The following DGCR2 variants were observed in gnomAD, a reference collection of about 807,000 sequenced individuals.
DGCR2 encodes the protein integral membrane protein DGCR2/IDD.
Under a neutral mutation model 51.6 loss-of-function variants are expected in DGCR2, and 24 were observed. The observed-to-expected ratio is 0.47, with a 90% CI of 0.34 to 0.65. The LOEUF (loss-of-function observed/expected upper bound fraction) is 0.65. Among genes scored for constraint, DGCR2 ranks in the 30% least tolerant of loss-of-function variants. DGCR2 has a pLI of 0.01. For missense variants in DGCR2, 765 were observed against 772.1 expected (o/e 0.99, Z 0.11); for synonymous variants, 340 against 315.4 (o/e 1.08, Z -0.82).
chr22:19,113,718 C>T (rs1230351037), intron 1 of DGCR2, among the ~76,000 whole-genome samples: 1 of 152,124 alleles, frequency 6.6e-6, no homozygotes, highest in Non-Finnish European at 1.5e-5. Flanking sequence ...AGTCAACCTA[C>T]TGTTATGTAG....
At position 19,064,835 on chromosome 22, in the gene DGCR2, A is replaced by T; in HGVS notation, c.548+13T>A. 4 of 1,611,970 alleles carry T rather than the reference A, an allele frequency of 2.5e-6. No homozygotes were observed. Among genetic ancestry groups the T allele is most frequent in the Non-Finnish European group, 3.4e-6 (4 of 1,179,068 alleles). ...CTGACTCCAGCCCCTCAGGTCCCCA[A>T]TCCAGGACTCACTTGCGCTGGTCCT... On this transcript the variant is annotated intron_variant, in intron 4 of 9. Coordinates refer to ENST00000263196, the MANE Select transcript of DGCR2 (RefSeq NM_005137.3).
chr22:19,052,480 C>G (rs1164370182), intron 6 of DGCR2, among the ~76,000 whole-genome samples: 1 of 151,824 alleles, frequency 6.6e-6, no homozygotes, highest in Non-Finnish European at 1.5e-5. Context: ...TGCACAAAAA[C>G]CTGTATGCGG....
intron 1 of DGCR2, among the ~76,000 whole-genome samples, chr22:19,100,777 A>C (rs889316830): frequency 6.6e-6 from 1 of 152,174 alleles, no homozygotes; most frequent in Non-Finnish European, 1.5e-5. Flanking sequence ...TATGTGGGTT[A>C]TATCTGTCAA....
At chr22:19,103,347 T>C (rs1412537582) in intron 1 of DGCR2, among the ~76,000 whole-genome samples, 1 of 151,468 alleles carries the variant, frequency 6.6e-6, no homozygotes, top group Admixed American at 6.6e-5. Flanking sequence ...CTGAATGTTC[T>C]TAATGCCACT....
intron 1 of DGCR2, among the ~76,000 whole-genome samples, chr22:19,101,943 T>C (rs1482280610): frequency 6.6e-6 from 1 of 151,638 alleles, no homozygotes; most frequent in Non-Finnish European, 1.5e-5. Flanking sequence ...TAATCCCAGC[T>C]ACTTGGGAGG....
chr22:19,121,062 G>A (rs1444083135), intron 1 of DGCR2, among the ~76,000 whole-genome samples: 1 of 152,224 alleles, frequency 6.6e-6, no homozygotes, highest in African/African-American at 2.4e-5. Context: ...GAGCCAAGAG[G>A]TGCGGTGTAT....
chr22:19,059,703 G>A (rs62221715), intron 5 of DGCR2, among the ~76,000 whole-genome samples: 1 of 152,124 alleles, frequency 6.6e-6, no homozygotes, highest in South Asian at 2.1e-4. Context: ...TGAGGTGTGC[G>A]CAGGACTCTG....
At chr22:19,117,699 G>A (rs2083387919) in intron 1 of DGCR2, among the ~76,000 whole-genome samples, 1 of 152,178 alleles carries the variant, frequency 6.6e-6, no homozygotes, top group African/African-American at 2.4e-5. Flanking sequence ...AGGATATGCA[G>A]GTGTTCTCTG....
chr22:19,074,974 C>A (rs1424155881), intron 2 of DGCR2, among the ~76,000 whole-genome samples: 1 of 152,118 alleles, frequency 6.6e-6, no homozygotes, highest in Non-Finnish European at 1.5e-5. Flanking sequence ...AATTATTGTG[C>A]CAGTCCCTTC....
chr22:19,087,145 TGACCAACCAGG>T (rs1160456351), intron 2 of DGCR2, among the ~76,000 whole-genome samples: 26 of 152,160 alleles, frequency 1.7e-4, no homozygotes, highest in African/African-American at 5.8e-4. Context: ...GTCCCCAGGC[TGACCAACCAGG>T]GAACTTCAGC....
intron 4 of DGCR2, among the ~76,000 whole-genome samples, chr22:19,064,154 C>T (rs953744406): frequency 2.6e-5 from 4 of 152,220 alleles, no homozygotes; most frequent in Non-Finnish European, 4.4e-5. Flanking sequence ...CAGCAGGTCT[C>T]CCCGCATGGC....
At chr22:19,066,853 C>A (rs1423933706) in intron 3 of DGCR2, among the ~76,000 whole-genome samples, 2 of 152,238 alleles carry the variant, frequency 1.3e-5, no homozygotes, top group Non-Finnish European at 2.9e-5. Flanking sequence ...GAACATGGAG[C>A]TGAGCATCAG....
chr22:19,115,746 G>T (rs190144063), intron 1 of DGCR2, among the ~76,000 whole-genome samples: 107 of 152,286 alleles, frequency 7.0e-4, no homozygotes, highest in African/African-American at 2.4e-3. Flanking sequence ...TGTTTCGGGG[G>T]CTCTCAGCAA....
At chr22:19,102,732 A>G (rs1212387554) in intron 1 of DGCR2, among the ~76,000 whole-genome samples, 1 of 151,884 alleles carries the variant, frequency 6.6e-6, no homozygotes, top group Non-Finnish European at 1.5e-5. Flanking sequence ...GGGGCTGGGC[A>G]TGGTGGCTAA....
chr22:19,042,708 T>G (rs2082446779), intron 7 of DGCR2, among the ~76,000 whole-genome samples: 2 of 152,158 alleles, frequency 1.3e-5, no homozygotes, highest in African/African-American at 4.8e-5. Context: ...AGTGACAGAC[T>G]GGGAGAAGTG....
At chr22:19,099,167 C>G (rs78161667) in intron 1 of DGCR2, among the ~76,000 whole-genome samples, 1 of 152,196 alleles carries the variant, frequency 6.6e-6, no homozygotes, top group Non-Finnish European at 1.5e-5. Context: ...GGTGACAGGG[C>G]TGTGGTAATG....
chr22:19,118,861 G>A (rs1484562753), intron 1 of DGCR2, among the ~76,000 whole-genome samples: 1 of 152,218 alleles, frequency 6.6e-6, no homozygotes, highest in African/African-American at 2.4e-5. Flanking sequence ...CTACACAGAT[G>A]GAGAAAGGGC....
chr22:19,062,779 A>T (rs552562432), intron 5 of DGCR2, among the ~76,000 whole-genome samples: 3,251 of 125,992 alleles, frequency 0.026, 96 homozygotes, highest in Non-Finnish European at 0.039. Flanking sequence ...ATGCATGCTC[A>T]CTCTCTCTCT....
At chr22:19,076,317 T>C (rs982540294) in intron 2 of DGCR2, among the ~76,000 whole-genome samples, 3 of 148,628 alleles carry the variant, frequency 2.0e-5, no homozygotes, top group African/African-American at 5.2e-5. Context: ...TGCATCACCA[T>C]ACTCGGCTAA....
Sources: allele counts gnomAD v4.1 joint callset (sites outside exome capture counted in the v4.1 genomes callset), GRCh38; gene constraint gnomAD v4.1.1; transcripts MANE v1.5; gene names NCBI Gene and HGNC (gene_info 2026-07-23, HGNC 2026-07-21).